MCUB: variants seen among roughly 807,000 people sequenced by gnomAD.
MCUB encodes mitochondrial calcium uniporter dominant negative subunit beta.
In MCUB, 46 loss-of-function variants were observed where a neutral mutation model predicts 41.4. The observed-to-expected ratio is 1.11, with a 90% CI of 0.88 to 1.42. The LOEUF (loss-of-function observed/expected upper bound fraction) is 1.42, where lower values mean the gene tolerates loss of function less well. MCUB is among the 40% of genes most tolerant of loss of function. MCUB has a pLI of 0.00. For missense variants in MCUB, 403 were observed against 404.9 expected (o/e 1.00, Z 0.04); for synonymous variants, 148 against 148.2 (o/e 1.00, Z 0.01).
At chr4:109,586,094 G>T (rs1214938504) in intron 1 of MCUB, among the ~76,000 whole-genome samples, 1 of 152,208 alleles carries the variant, frequency 6.6e-6, no homozygotes, top group Non-Finnish European at 1.5e-5. Context: ...ACACCAATCA[G>T]ACGTAGATTT....
chr4:109,573,314 G>A (rs927544819), intron 1 of MCUB, among the ~76,000 whole-genome samples: 3 of 152,040 alleles, frequency 2.0e-5, no homozygotes, highest in African/African-American at 2.4e-5. Flanking sequence ...TTAGCCACGC[G>A]TGGTGGTGGG....
intron 4 of MCUB, among the ~76,000 whole-genome samples, chr4:109,679,927 G>A (rs1359187839): frequency 6.6e-6 from 1 of 152,094 alleles, no homozygotes; most frequent in Non-Finnish European, 1.5e-5. Context: ...TCAGCCTCCT[G>A]AGTAGCTGGG....
rs1165139788 is a variant in MCUB at position 109,687,476 on chromosome 4, T to C, written c.934-39T>C. ...AAGCAGTAATGTTGGTATGTTTCTCTTCTTTCTGATCACATGCTTTTTCTT... is the reference window on the plus strand; with the variant it reads ...AAGCAGTAATGTTGGTATGTTTCTCCTCTTTCTGATCACATGCTTTTTCTT... On this transcript the variant is annotated intron_variant, in intron 7 of 7. Coordinates refer to ENST00000394650, the MANE Select transcript of MCUB (RefSeq NM_017918.5). 3 of 1,420,408 alleles carry C rather than the reference T, an allele frequency of 2.1e-6. No homozygotes were observed. The African/African-American group carries it at 4.2e-5, about 20-fold the overall frequency. The allele number at this position is 1,420,408 out of a possible 1,614,324, so 88.0% of individuals were successfully genotyped here.
At chr4:109,677,729 G>A (rs1379403087) in intron 4 of MCUB, among the ~76,000 whole-genome samples, 1 of 148,370 alleles carries the variant, frequency 6.7e-6, no homozygotes, top group Admixed American at 6.7e-5. Flanking sequence ...GAAGGCCCTT[G>A]TCAGATGCTG....
At chr4:109,566,624 T>G (rs1403936806) in intron 1 of MCUB, among the ~76,000 whole-genome samples, 1 of 152,164 alleles carries the variant, frequency 6.6e-6, no homozygotes, top group Non-Finnish European at 1.5e-5. Flanking sequence ...AATGGTGTAT[T>G]TATATTCCCC....
chr4:109,611,177 A>G (rs1318988016), intron 1 of MCUB, among the ~76,000 whole-genome samples: 2 of 152,098 alleles, frequency 1.3e-5, no homozygotes, highest in Non-Finnish European at 2.9e-5. Context: ...CATCTCTGTC[A>G]TGGAGAGAGT....
chr4:109,577,105 G>A (rs943955949), intron 1 of MCUB, among the ~76,000 whole-genome samples: 2 of 152,142 alleles, frequency 1.3e-5, no homozygotes, highest in African/African-American at 4.8e-5. Context: ...GCCTGCCTCC[G>A]CCTCCCAAAG....
chr4:109,574,556 T>C (rs1342382509), intron 1 of MCUB, among the ~76,000 whole-genome samples: 1 of 152,202 alleles, frequency 6.6e-6, no homozygotes, highest in Non-Finnish European at 1.5e-5. Context: ...TCAGTGGCTC[T>C]CTAGTGTCCT....
intron 1 of MCUB, among the ~76,000 whole-genome samples, chr4:109,612,763 A>T (rs1728040286): frequency 6.6e-6 from 1 of 152,158 alleles, no homozygotes; most frequent in Non-Finnish European, 1.5e-5. Flanking sequence ...CCAGTAAAAG[A>T]TGGCAGGCTT....
At chr4:109,591,589 T>G (rs1383425644) in intron 1 of MCUB, among the ~76,000 whole-genome samples, 1 of 152,104 alleles carries the variant, frequency 6.6e-6, no homozygotes, top group Admixed American at 6.6e-5. Flanking sequence ...TATATATGAG[T>G]GGTATACATT....
chr4:109,572,358 AT>A (rs1171252196), intron 1 of MCUB, among the ~76,000 whole-genome samples: 1 of 152,254 alleles, frequency 6.6e-6, no homozygotes, highest in Non-Finnish European at 1.5e-5. Flanking sequence ...TGCTGACGAT[AT>A]GGTTTTAGGG....
chr4:109,637,814 T>G (rs1480997336), intron 1 of MCUB, among the ~76,000 whole-genome samples: 1 of 152,154 alleles, frequency 6.6e-6, no homozygotes, highest in Non-Finnish European at 1.5e-5. Flanking sequence ...GGGTAATGAA[T>G]GCACCAAAAT....
chr4:109,564,074 G>A (rs895295624), intron 1 of MCUB, among the ~76,000 whole-genome samples: 4 of 152,118 alleles, frequency 2.6e-5, no homozygotes, highest in Admixed American at 1.3e-4. Context: ...TTCTTGATAT[G>A]AGATTCAATG....
In MCUB at chr4:109,673,364, C is replaced by A. The variant is rs544658511; in HGVS notation, c.451+8970C>A. ...TCTAAGTGGGATAAAGCACAACCTC[C>A]GCACTCCTGCCCACTCATTAGAAAA... On this transcript the variant is annotated intron_variant, in intron 4 of 7. Coordinates refer to ENST00000394650, the MANE Select transcript of MCUB (RefSeq NM_017918.5). Among the ~76,000 whole-genome samples, 12 of 152,294 alleles carry A rather than the reference C, an allele frequency of 7.9e-5. No homozygotes were observed. The South Asian group carries it at 2.5e-3, about 32-fold the overall frequency.
chr4:109,576,399 T>TA (rs1727029949), intron 1 of MCUB, among the ~76,000 whole-genome samples: 1 of 151,802 alleles, frequency 6.6e-6, no homozygotes, highest in African/African-American at 2.4e-5. Context: ...AAGAAATGGG[T>TA]AAAAGACATG....
At chr4:109,649,213 ATATC>A (rs1728906556) in intron 1 of MCUB, among the ~76,000 whole-genome samples, 1 of 152,142 alleles carries the variant, frequency 6.6e-6, no homozygotes, top group African/African-American at 2.4e-5. Flanking sequence ...ACAAATGTGG[ATATC>A]TATCTACCAC....
rs190625682 is a variant in MCUB, at chr4:109,570,133, T to C, written c.99+9697T>C. Among the ~76,000 whole-genome samples, 369 of 152,328 alleles carry C rather than the reference T, an allele frequency of 2.4e-3. 1 individual carries two copies. The highest frequency in any genetic ancestry group is 8.3e-3 in the African/African-American group (345 of 41,586). On this transcript the variant is annotated intron_variant, in intron 1 of 7. Transcript: ENST00000394650. ...TGATTACCTAGATGAAAATCATCTT[T>C]CTTTCATCTATCTCCATATAGTGTT...
At chr4:109,673,904 T>C (rs1729514310) in intron 4 of MCUB, 6 of 776,298 alleles carry the variant, frequency 7.7e-6, no homozygotes, top group Middle Eastern at 3.6e-4. Context: ...TCCAAACTTA[T>C]TCGAAAAGCT....
intron 1 of MCUB, chr4:109,560,981 C>A (rs1178606324): frequency 6.6e-6 from 1 of 152,230 alleles, no homozygotes; most frequent in African/African-American, 2.4e-5. Flanking sequence ...GCGTTTTGTT[C>A]AGACACCCGA....
Sources: gnomAD v4.1 joint callset for allele counts (sites outside exome capture counted in the v4.1 genomes callset) on GRCh38, gnomAD v4.1.1 for gene constraint, MANE v1.5 for transcripts, NCBI Gene and HGNC (gene_info 2026-07-23, HGNC 2026-07-21) for gene names.